Variants in RNF216 observed in about 807,000 individuals in gnomAD.
The protein encoded by RNF216 is E3 ubiquitin-protein ligase RNF216.
Under a neutral mutation model 110.8 loss-of-function variants are expected in RNF216, and 72 were observed. That is an observed-to-expected ratio of 0.65 (90% CI 0.54 to 0.79). The LOEUF (loss-of-function observed/expected upper bound fraction) is 0.79, where lower values mean the gene tolerates loss of function less well. Among genes scored for constraint, RNF216 ranks in the 30% least tolerant of loss-of-function variants. The probability of loss-of-function intolerance (pLI) is 0.00; values close to 1 mark genes in which losing one functional copy is unlikely to be tolerated. For synonymous variants in RNF216, 495 were observed against 407.5 expected, an observed-to-expected ratio of 1.21 and a Z score of -2.59; for missense variants, 1,342 against 1,141.2, an observed-to-expected ratio of 1.18 and a Z score of -2.54.
intron 14 of RNF216, 139 bp from the exon 15 acceptor site, chr7:5,641,515 G>C: frequency 1.4e-6 from 1 of 705,422 alleles, no homozygotes; most frequent in Non-Finnish European, 2.3e-6. Context: ...AAGAGCCTAG[G>C]TTTTGGAGTC....
At chr7:5,641,538 C>T (rs1447872975) in intron 14 of RNF216, among the ~76,000 whole-genome samples, 162 bp from the exon 15 acceptor site, 1 of 151,996 alleles carries the variant, frequency 6.6e-6, no homozygotes, top group Non-Finnish European at 1.5e-5. Flanking sequence ...AGAACTGCTT[C>T]AAAGTTTTAA....
At chr7:5,759,430 C>T (rs1795814315) in intron 2 of RNF216, among the ~76,000 whole-genome samples, 1 of 152,144 alleles carries the variant, frequency 6.6e-6, no homozygotes, top group Non-Finnish European at 1.5e-5. Context: ...TCCACTTCCA[C>T]TTAAGGAACA....
At position 5,633,042 on chromosome 7, in the gene RNF216, C is replaced by T. The variant is rs148052049; in HGVS notation, c.2382+8112G>A. The stretch of plus-strand genomic sequence containing the variant: ...TCGCCCAGGCTGGAGTGCAGTGGTG[C>T]GATCTCTGCTCACTGCAACCTCCGC... On this transcript the variant is annotated intron_variant, in intron 15 of 16. Transcript: ENST00000389902. 4.6e-3 allele frequency among the ~76,000 whole-genome samples: 701 copies of T among 151,926 alleles called. 1 individual carries two copies. Among genetic ancestry groups the T allele is most frequent in the African/African-American group, 0.016 (681 of 41,528 alleles).
chr7:5,701,589 G>T (rs763745683), intron 13 of RNF216, among the ~76,000 whole-genome samples: 15 of 152,228 alleles, frequency 9.9e-5, no homozygotes, highest in Non-Finnish European at 2.1e-4. Flanking sequence ...ACACGGAAAG[G>T]AAATGTGGCT....
At chr7:5,734,102 CAT>C (rs1794251650) in intron 5 of RNF216, among the ~76,000 whole-genome samples, 2 of 152,108 alleles carry the variant, frequency 1.3e-5, no homozygotes, top group African/African-American at 4.8e-5. Flanking sequence ...AAGACACAAA[CAT>C]AGCCAATAGG....
chr7:5,652,640 AG>A (rs1562791648), intron 13 of RNF216, 130 bp from the exon 14 acceptor site: 1 of 657,840 alleles, frequency 1.5e-6, no homozygotes, highest in Admixed American at 2.5e-5. Flanking sequence ...TCTCCTTTTC[AG>A]GGGGGATATT....
rs1325655405 is a variant in RNF216 at position 5,624,147 on chromosome 7, G to C, written c.2383-22C>G. 4 of 1,605,960 alleles carry C rather than the reference G, an allele frequency of 2.5e-6. No individual in the cohort carries two copies. The highest frequency in any genetic ancestry group is 3.4e-6 in the Non-Finnish European group (4 of 1,174,610). ...CTTCCTAAAACGCAAGCAATGAGAA[G>C]GATGAACCTGTAGCTTCATGCAGTG... On this transcript the variant is annotated intron_variant, in intron 15 of 16. Coordinates refer to ENST00000389902, the MANE Select transcript of RNF216 (RefSeq NM_207111.4). This position sits in a 1 kb window ranked among gnomAD's most constrained non-coding sequence, Gnocchi z 4.4.
intron 15 of RNF216, among the ~76,000 whole-genome samples, chr7:5,640,223 C>G (rs191642275): frequency 6.6e-6 from 1 of 152,120 alleles, no homozygotes; most frequent in Non-Finnish European, 1.5e-5. Flanking sequence ...TCATGTATCC[C>G]TAATCTTTGT....
intron 1 of RNF216, among the ~76,000 whole-genome samples, chr7:5,778,139 A>G (rs943866355): frequency 1.3e-5 from 2 of 152,196 alleles, no homozygotes; most frequent in African/African-American, 2.4e-5. Flanking sequence ...AATCCTTACC[A>G]TGGCCTACAA....
chr7:5,695,128 C>T (rs777986907), intron 13 of RNF216, among the ~76,000 whole-genome samples: 7 of 152,162 alleles, frequency 4.6e-5, no homozygotes, highest in Non-Finnish European at 8.8e-5. Context: ...TCAAGCTACA[C>T]GAAGTTAGCA....
intron 13 of RNF216, among the ~76,000 whole-genome samples, chr7:5,701,478 G>A (rs80336171): frequency 0.031 from 4,695 of 152,188 alleles, 117 homozygotes; most frequent in East Asian, 0.071. Context: ...CTATTACTTC[G>A]TGACACAAAG....
intron 1 of RNF216, among the ~76,000 whole-genome samples, chr7:5,768,135 T>C (rs921152545): frequency 1.3e-5 from 2 of 151,780 alleles, no homozygotes; most frequent in African/African-American, 4.8e-5. Flanking sequence ...AGTTTTTTCA[T>C]TCATAATGTC....
At chr7:5,761,370 C>G (rs1304339854) in intron 1 of RNF216, among the ~76,000 whole-genome samples, 2 of 151,866 alleles carry the variant, frequency 1.3e-5, no homozygotes, top group African/African-American at 4.8e-5. Flanking sequence ...GAAATGACAT[C>G]TTGATACAAA....
intron 13 of RNF216, among the ~76,000 whole-genome samples, chr7:5,652,961 G>A (rs1033560795): frequency 1.3e-5 from 2 of 152,226 alleles, no homozygotes; most frequent in African/African-American, 2.4e-5. Context: ...CAAAGGAGAC[G>A]GATCTTGGGT....
intron 13 of RNF216, among the ~76,000 whole-genome samples, chr7:5,707,280 C>A (rs1041111294): frequency 1.3e-5 from 2 of 152,104 alleles, no homozygotes; most frequent in African/African-American, 4.8e-5. Context: ...GGATGTCTTT[C>A]CATTTATTTA....
At chr7:5,658,928 T>C (rs751562236) in intron 13 of RNF216, among the ~76,000 whole-genome samples, 25 of 152,068 alleles carry the variant, frequency 1.6e-4, no homozygotes, top group Non-Finnish European at 3.1e-4. Context: ...AGTGCAGCAA[T>C]GTGTCGGAGT....
At chr7:5,710,106 T>C (rs1356868792) in intron 13 of RNF216, among the ~76,000 whole-genome samples, 1 of 152,222 alleles carries the variant, frequency 6.6e-6, no homozygotes, top group Non-Finnish European at 1.5e-5. Context: ...ACACCTGTAA[T>C]ACCAGCACTT....
chr7:5,695,830 G>A (rs1329166101), intron 13 of RNF216, among the ~76,000 whole-genome samples: 1 of 152,228 alleles, frequency 6.6e-6, no homozygotes, highest in Non-Finnish European at 1.5e-5. Flanking sequence ...TATGAACAGT[G>A]TCAAGCCCCA....
In RNF216 at chr7:5,652,461, G is replaced by T. The variant is rs528531458; in HGVS notation, c.2111C>A (p.Thr704Asn). 4.3e-6 allele frequency: 7 copies of T among 1,613,950 alleles called. No homozygotes were observed. The highest frequency in any genetic ancestry group is 5.9e-6 in the Non-Finnish European group (7 of 1,179,868). ...QGLWKEHNGL[T>N]CEELAEKDDI... is the part of the protein sequence containing the mutation. ...GTCTTTTTCAGCCAGCTCTTCACAG[G>T]TGAGGCCATTATGTTCTTTCCAGAG... The change falls in exon 14 of 17, where the codon ACC becomes AAC. Residue 704 changes from threonine (T) to asparagine (N), a missense_variant. Physicochemically the swap from Thr to Asn is moderately conservative, Grantham distance 65. Transcript: ENST00000389902.
Sources: gnomAD v4.1 joint callset for allele counts (sites outside exome capture counted in the v4.1 genomes callset) on GRCh38, gnomAD v4.1.1 for gene constraint, Gnocchi (gnomAD v3.1) non-coding constraint, MANE v1.5 for transcripts, NCBI Gene and HGNC (gene_info 2026-07-23, HGNC 2026-07-21) for gene names.